Variants in ZIC4 observed in about 807,000 individuals in gnomAD.
The protein encoded by ZIC4 is zinc finger protein ZIC 4.
In ZIC4, 15 loss-of-function variants were observed where a neutral mutation model predicts 28.8. The observed-to-expected ratio is 0.52, with a 90% CI of 0.35 to 0.80. The LOEUF is 0.80. ZIC4 is among the 30% of genes least tolerant of loss of function. The pLI, the probability that ZIC4 is intolerant of heterozygous loss-of-function variation, is 0.01. For synonymous variants in ZIC4, 220 were observed against 198.1 expected, an observed-to-expected ratio of 1.11 and a Z score of -0.93; for missense variants, 512 against 467.1, an observed-to-expected ratio of 1.10 and a Z score of -0.89.
In ZIC4 at chr3:147,396,522, T is replaced by C; in HGVS notation, c.71-53A>G. The C allele has an allele frequency of 6.7e-7, 1 of 1,485,482 alleles. No homozygotes were observed. Among genetic ancestry groups the C allele is most frequent in the Non-Finnish European group, 8.9e-7 (1 of 1,127,074 alleles). 92.0% of individuals were successfully genotyped at this position (1,485,482 alleles called of 1,614,324 possible). A position where few individuals can be genotyped will look rare whatever the true frequency, so the allele number is the denominator to read the frequency against. The stretch of plus-strand genomic sequence containing the variant: ...AGAACGGGTGGCGTGGGCTGCGCGC[T>C]CTTCCCTGGGCCCCGGGGGGCAGGC... On this transcript the variant is annotated intron_variant, in intron 2 of 4. Coordinates refer to ENST00000383075, the MANE Select transcript of ZIC4 (RefSeq NM_032153.6). The surrounding 1 kb of genome is among the most constrained non-coding windows in gnomAD (Gnocchi z 4.2).
At chr3:147,404,045 A>G in intron 1 of ZIC4, 1 of 1,537,250 alleles carries the variant, frequency 6.5e-7, no homozygotes, top group African/African-American at 1.4e-5. Context: ...TCCTTCCAGC[A>G]CAAATCAGGA....
At position 147,396,529 on chromosome 3, in the gene ZIC4, T is replaced by C; in HGVS notation, c.71-60A>G. The C allele has an allele frequency of 6.7e-6, 10 of 1,481,974 alleles. No individual in the cohort carries two copies. Among genetic ancestry groups the C allele is most frequent in the Non-Finnish European group, 8.9e-6 (10 of 1,126,032 alleles). The allele number at this position is 1,481,974 out of a possible 1,614,324, so 91.8% of individuals were successfully genotyped here. A position where few individuals can be genotyped will look rare whatever the true frequency, so the allele number is the denominator to read the frequency against. ...GTGGCGTGGGCTGCGCGCTCTTCCC[T>C]GGGCCCCGGGGGGCAGGCCCAGCCC... is the stretch of plus-strand genomic sequence containing the variant. On this transcript the variant is annotated intron_variant, in intron 2 of 4. Transcript: ENST00000383075. This position sits in a 1 kb window ranked among gnomAD's most constrained non-coding sequence, Gnocchi z 4.2.
chr3:147,397,648 G>A (rs2087078744), intron 2 of ZIC4, among the ~76,000 whole-genome samples: 2 of 152,104 alleles, frequency 1.3e-5, no homozygotes, highest in Non-Finnish European at 2.9e-5. Context: ...CATCGTGTGC[G>A]CAGAGATGGC....
intron 1 of ZIC4, chr3:147,403,601 T>A (rs1354552669): frequency 5.7e-6 from 1 of 175,892 alleles, no homozygotes; most frequent in Admixed American, 6.0e-5. Context: ...TCTGCATCTG[T>A]CAGGCAAGGC....
At chr3:147,401,192 CA>C (rs1269709942) in intron 2 of ZIC4, among the ~76,000 whole-genome samples, 1 of 152,134 alleles carries the variant, frequency 6.6e-6, no homozygotes, top group African/African-American at 2.4e-5. Context: ...GTGGCATAAA[CA>C]AGTGATTTCC....
intron 2 of ZIC4, among the ~76,000 whole-genome samples, chr3:147,397,588 C>T (rs749625696): frequency 1.3e-5 from 2 of 152,012 alleles, no homozygotes; most frequent in Non-Finnish European, 2.9e-5. Context: ...CCATTCACCA[C>T]AACTTTGGGG....
At chr3:147,397,785 A>C (rs1317358166) in intron 2 of ZIC4, among the ~76,000 whole-genome samples, 2 of 151,960 alleles carry the variant, frequency 1.3e-5, no homozygotes, top group Non-Finnish European at 2.9e-5. Flanking sequence ...GTTGAGCCTA[A>C]TTTTATTTTC....
intron 1 of ZIC4, chr3:147,403,870 G>A (rs968095392): frequency 8.1e-6 from 10 of 1,241,570 alleles, no homozygotes; most frequent in Admixed American, 2.7e-5. Flanking sequence ...CCCCCTCAAC[G>A]TCCAACCAGA....
At chr3:147,404,805 T>C (rs147142473) in intron 1 of ZIC4, among the ~76,000 whole-genome samples, 1 of 152,146 alleles carries the variant, frequency 6.6e-6, no homozygotes, top group African/African-American at 2.4e-5. Flanking sequence ...AAGCTGCAAA[T>C]TGTGGGGCCG....
intron 3 of ZIC4, chr3:147,392,050 G>T (rs983802036): frequency 2.0e-6 from 2 of 985,474 alleles, no homozygotes; most frequent in African/African-American, 1.7e-5. Flanking sequence ...CCTGGAGACC[G>T]TGCTGTGGGC....
intron 1 of ZIC4, among the ~76,000 whole-genome samples, chr3:147,403,360 C>A (rs891832780): frequency 3.3e-5 from 5 of 152,074 alleles, no homozygotes; most frequent in Admixed American, 6.5e-5. Flanking sequence ...TTCCCATACC[C>A]CAGACCCATT....
At chr3:147,394,388 C>G (rs753361251) in intron 3 of ZIC4, among the ~76,000 whole-genome samples, 2 of 149,810 alleles carry the variant, frequency 1.3e-5, no homozygotes, top group Non-Finnish European at 3.0e-5. Flanking sequence ...TGTAGGTCGA[C>G]TGTGCTAAGA....
At chr3:147,404,005 A>C (rs933183106) in intron 1 of ZIC4, 1 of 1,536,798 alleles carries the variant, frequency 6.5e-7, no homozygotes, top group Non-Finnish European at 8.7e-7. Flanking sequence ...CTTTCTAACC[A>C]AAAGGCATTC....
At chr3:147,394,095 C>T (rs2107970720) in intron 3 of ZIC4, among the ~76,000 whole-genome samples, 1 of 151,954 alleles carries the variant, frequency 6.6e-6, no homozygotes, top group African/African-American at 2.4e-5. Context: ...GGTCTATTGC[C>T]ATTTGAGAAA....
chr3:147,390,858 G>T, intron 4 of ZIC4, 73 bp downstream of exon 4: 1 of 1,514,038 alleles, frequency 6.6e-7, no homozygotes, highest in Non-Finnish European at 8.8e-7. Flanking sequence ...CAGCAGCAGG[G>T]CCAGGTGGTA....
rs775624725 is a variant in ZIC4 at position 147,391,167 on chromosome 3, G to C, written c.768C>G (p.His256Gln). 1 of 1,610,630 alleles carries C rather than the reference G, an allele frequency of 6.2e-7. No individual in the cohort carries two copies. The highest frequency in any genetic ancestry group is 8.5e-7 in the Non-Finnish European group (1 of 1,177,176). ...TGTATGGCTTGTCGCTAGTGTGCAC[G>C]TGCGAATGCTTCTTACGGTCGCTGC... is the stretch of plus-strand genomic sequence containing the variant. ...ANSSDRKKHS[H>Q]VHTSDKPYTC... Residue 256 changes from histidine to glutamine, a missense_variant, in exon 4 of 5, where the codon CAC (histidine) becomes CAG (glutamine). Around this residue, in one of 3 missense-constraint regions of ZIC4, gnomAD observed 144 missense variants for 116.8 expected, o/e 1.23. Coordinates refer to ENST00000383075, the MANE Select transcript of ZIC4 (RefSeq NM_032153.6).
At chr3:147,391,438 A>G (rs2086916698) in intron 3 of ZIC4, 192 bp from the exon 4 acceptor site, 1 of 635,538 alleles carries the variant, frequency 1.6e-6, no homozygotes, top group Admixed American at 3.3e-5. Flanking sequence ...CCTCTCTTGA[A>G]CGCCTCCATC....
rs1172936220 is a variant in ZIC4, at chr3:147,391,082, T to C, written c.853A>G (p.Met285Val). ...GGCGGCGAGCGCCCGTGCACCTTCA[T>C]GTGCTTACGCAGCGAGCTGGGGTGC... ...YTHPSSLRKH[M>V]KVHGRSPPPS... Residue 285 changes from methionine (M) to valine (V), a missense_variant, in exon 4 of 5, where the codon ATG (methionine) becomes GTG (valine). By Grantham distance (21) the Met-to-Val change is conservative. Coordinates refer to ENST00000383075, the MANE Select transcript of ZIC4 (RefSeq NM_032153.6). 2.5e-6 allele frequency: 4 copies of C among 1,614,016 alleles called. No individual in the cohort carries two copies. The highest frequency in any genetic ancestry group is 1.1e-5 in the South Asian group (1 of 91,086).
At chr3:147,390,139 C>T (rs2086882909) in intron 4 of ZIC4, among the ~76,000 whole-genome samples, 1 of 152,130 alleles carries the variant, frequency 6.6e-6, no homozygotes, top group Admixed American at 6.5e-5. Flanking sequence ...ATCTGTGTGC[C>T]CAGGCCACTC....
Sources: allele counts gnomAD v4.1 joint callset (sites outside exome capture counted in the v4.1 genomes callset), GRCh38; gene constraint gnomAD v4.1.1; regional missense constraint gnomAD v4.1.1; non-coding constraint Gnocchi (gnomAD v3.1); transcripts MANE v1.5; gene names NCBI Gene and HGNC (gene_info 2026-07-23, HGNC 2026-07-21).